Variants in SLC19A1 observed in about 807,000 individuals in gnomAD.
The protein encoded by SLC19A1 is solute carrier family 19 member 1.
In SLC19A1, 37 loss-of-function variants were observed where a neutral mutation model predicts 35.3. That is an observed-to-expected ratio of 1.05 (90% CI 0.81 to 1.38). SLC19A1 has a LOEUF of 1.38. SLC19A1 is among the 40% of genes most tolerant of loss of function. The pLI is 0.00. For missense variants in SLC19A1, 831 were observed against 826.9 expected (o/e 1.00, Z -0.06); for synonymous variants, 460 against 398.5 (o/e 1.15, Z -1.84).
In SLC19A1 at chr21:45,503,949, A is replaced by C. The variant is rs1041653114; in HGVS notation, c.498-5337T>G. The C allele has an allele frequency of 6.9e-6, 11 of 1,597,392 alleles. No individual in the cohort carries two copies. In the Admixed American group the frequency reaches 1.0e-4, roughly 15 times the overall value. ...CAAACCCACCAGTGCTGGGGGCTGC[A>C]GAGGGAACCCGGCGCTGTCAGACAC... On this transcript the variant is annotated intron_variant, in intron 3 of 4. Transcript: ENST00000417954.
rs953065017 is a variant in SLC19A1, at chr21:45,515,839, TGCGGGGCCGGGGC to T, written c.1582_1594del (p.Ala528ArgfsTer6). ...CACTGGGCTCAGGAATTCAGCTGCC[TGCGGGGCCGGGGC>T]CTGGGCCAGGTATGGGTCGCTCTGT... On this transcript the variant is annotated frameshift_variant, in exon 6 of 6. Transcript: ENST00000311124. LOFTEE classifies it low-confidence loss of function (END_TRUNC). The T allele has an allele frequency of 5.6e-6, 9 of 1,603,346 alleles. No homozygotes were observed. Among genetic ancestry groups the T allele is most frequent in the Non-Finnish European group, 7.7e-6 (9 of 1,173,704 alleles).
chr21:45,523,080 G>A lies in SLC19A1; in HGVS notation c.1293+2737C>T, dbSNP rs533543894. Reference sequence around the variant, plus strand: ...TTAAAAAGCAGGCAAACCCAGGCAAGCTCTAGCCCTGTCTGTCCCCCCATG... The same window carrying A: ...TTAAAAAGCAGGCAAACCCAGGCAAACTCTAGCCCTGTCTGTCCCCCCATG... On this transcript the variant is annotated intron_variant, in intron 5 of 5. Transcript: ENST00000311124. 3.3e-5 allele frequency among the ~76,000 whole-genome samples: 5 copies of A among 152,116 alleles called. No homozygotes were observed. The East Asian group carries it at 7.8e-4, about 24-fold the overall frequency.
At chr21:45,505,260 C>T (rs1218983087) in intron 3 of SLC19A1, 2 of 1,608,238 alleles carry the variant, frequency 1.2e-6, no homozygotes, top group Non-Finnish European at 1.7e-6. Context: ...CCCTTCATTT[C>T]CTGGCCCTCA....
In SLC19A1 at chr21:45,514,816, C is replaced by T. The variant is rs2037802814; in HGVS notation, c.*842G>A. The T allele has an allele frequency of 1.4e-5, 8 of 558,822 alleles. No homozygotes were observed. Among genetic ancestry groups the T allele is most frequent in the South Asian group, 5.2e-5 (2 of 38,222 alleles). 34.6% of individuals were successfully genotyped at this position (558,822 alleles called of 1,614,324 possible). ...ACTAGCGCTCCTTAGACCCTGAGGC[C>T]GCTGGGACGTACTTCCCCAGCGCCC... On this transcript the variant is annotated 3_prime_UTR_variant, in exon 6 of 6. Coordinates refer to ENST00000311124, the MANE Select transcript of SLC19A1 (RefSeq NM_194255.4).
downstream of SLC19A1, among the ~76,000 whole-genome samples, chr21:45,510,946 C>CCACACACACACAT (rs1568954049): frequency 3.0e-4 from 17 of 57,428 alleles, no homozygotes; most frequent in African/African-American, 1.5e-3. Flanking sequence ...AAAACACACA[C>CCACACACACACAT]CCACAACACC....
At chr21:45,552,762 T>C (rs1325664068) in intron 1 of SLC19A1, among the ~76,000 whole-genome samples, 1 of 152,052 alleles carries the variant, frequency 6.6e-6, no homozygotes, top group Non-Finnish European at 1.5e-5. Context: ...CTGCAGGTCA[T>C]TCCTGGCCCA....
intron 3 of SLC19A1, chr21:45,505,762 A>ATT: frequency 8.5e-7 from 1 of 1,177,176 alleles, no homozygotes; most frequent in South Asian, 1.3e-5. Flanking sequence ...GCACCCTGAA[A>ATT]CGGGCATTCC....
chr21:45,543,025 C>T (rs1265642812), upstream of SLC19A1, among the ~76,000 whole-genome samples: 1 of 152,146 alleles, frequency 6.6e-6, no homozygotes, highest in Non-Finnish European at 1.5e-5. Context: ...ACCCCGCCGC[C>T]CGCCCTCCTG....
intron 1 of SLC19A1, among the ~76,000 whole-genome samples, chr21:45,549,412 A>G (rs1292670044): frequency 1.3e-5 from 2 of 151,788 alleles, no homozygotes; most frequent in African/African-American, 4.9e-5. Context: ...ATGTTTAACA[A>G]CTGCTTCTAA....
chr21:45,553,227 C>T (rs80258550), intron 1 of SLC19A1, among the ~76,000 whole-genome samples: 20 of 152,066 alleles, frequency 1.3e-4, no homozygotes, highest in South Asian at 2.1e-4. Flanking sequence ...TTCCAGGCAC[C>T]GCGCATCCCT....
rs1245791699 is a variant in SLC19A1 at position 45,532,002 on chromosome 21, C to T, written c.336G>A (p.Leu112=). 3 of 1,593,886 alleles carry T rather than the reference C, an allele frequency of 1.9e-6. No homozygotes were observed. The highest frequency in any genetic ancestry group is 2.6e-6 in the Non-Finnish European group (3 of 1,170,936). Residue 112 remains leucine, a synonymous_variant, in exon 3 of 6, where the codon CTG becomes CTA. Coordinates refer to ENST00000311124, the MANE Select transcript of SLC19A1 (RefSeq NM_194255.4). ...SFVSVWLLLL[L]GHSVAHMQLM... is the part of the protein sequence containing the mutation. Reference sequence around the variant, plus strand: ...GCTGCATGTGCGCCACCGAGTGGCCCAGCAGCAGCAGCAGCCACACCGACA... The same window carrying T: ...GCTGCATGTGCGCCACCGAGTGGCCTAGCAGCAGCAGCAGCCACACCGACA...
chr21:45,554,919 C>T (rs908286649), intron 1 of SLC19A1, among the ~76,000 whole-genome samples: 13 of 151,950 alleles, frequency 8.6e-5, no homozygotes, highest in Admixed American at 3.3e-4. Flanking sequence ...GCCTTCTCCC[C>T]AGAAGCAGCC....
chr21:45,548,309 G>A (rs1284916088), upstream of SLC19A1, among the ~76,000 whole-genome samples: 2 of 152,146 alleles, frequency 1.3e-5, no homozygotes, highest in East Asian at 3.9e-4. Context: ...TTGTAGATCT[G>A]TGTCCAGTGA....
chr21:45,543,157 C>T (rs180935821), upstream of SLC19A1, among the ~76,000 whole-genome samples: 4 of 152,150 alleles, frequency 2.6e-5, no homozygotes, highest in Admixed American at 6.5e-5. Context: ...GCCTCGCAGA[C>T]GGCAGCGCAG....
chr21:45,546,514 C>T (rs1284063903), upstream of SLC19A1, among the ~76,000 whole-genome samples: 1 of 152,244 alleles, frequency 6.6e-6, no homozygotes, highest in Admixed American at 6.5e-5. Context: ...CTGCCTGGCC[C>T]AGCAGCAGAA....
At chr21:45,518,817 G>GTTT (rs1293747179) in intron 5 of SLC19A1, among the ~76,000 whole-genome samples, 10 of 152,044 alleles carry the variant, frequency 6.6e-5, no homozygotes, top group African/African-American at 2.4e-4. Context: ...GAAAAACTAA[G>GTTT]AGAAGAAATT....
In SLC19A1 at chr21:45,530,162, G is replaced by A. The variant is rs893528402; in HGVS notation, c.1151+608C>T. Among the ~76,000 whole-genome samples the A allele has an allele frequency of 2.0e-5, 3 of 150,104 alleles. No homozygotes were observed. The highest frequency in any genetic ancestry group is 7.4e-5 in the African/African-American group (3 of 40,706). ...GTGAGTGTGCATTGTGTGTCCGTGT[G>A]TGTGTGGTGCGTCCATGTGTAGTGG... On this transcript the variant is annotated intron_variant, in intron 4 of 5. Coordinates refer to ENST00000311124, the MANE Select transcript of SLC19A1 (RefSeq NM_194255.4). The surrounding 1 kb of genome is among the most constrained non-coding windows in gnomAD (Gnocchi z 5.3).
Position 45,514,746 on chromosome 21 carries a change from G to A in SLC19A1, c.*912C>T. 2 of 465,680 alleles carry A rather than the reference G, an allele frequency of 4.3e-6. No individual in the cohort carries two copies. The highest frequency in any genetic ancestry group is 7.5e-6 in the Non-Finnish European group (2 of 266,822). The allele number at this position is 465,680 out of a possible 1,614,324, so 28.8% of individuals were successfully genotyped here. A position where few individuals can be genotyped will look rare whatever the true frequency, so the allele number is the denominator to read the frequency against. Reference sequence around the variant, plus strand: ...TAAGTGTGTTTAATGTATGTGGGAAGAGTATTCACATCACATCAGATGGTC... The same window carrying A: ...TAAGTGTGTTTAATGTATGTGGGAAAAGTATTCACATCACATCAGATGGTC... On this transcript the variant is annotated 3_prime_UTR_variant, in exon 6 of 6. Coordinates refer to ENST00000311124, the MANE Select transcript of SLC19A1 (RefSeq NM_194255.4).
At chr21:45,512,283 C>A, downstream of SLC19A1, 1 of 1,612,010 alleles carries the variant, frequency 6.2e-7, no homozygotes, top group Non-Finnish European at 8.5e-7. Flanking sequence ...CCCTCGGCCA[C>A]GGGCCAGGCC....
Sources: allele counts gnomAD v4.1 joint callset (sites outside exome capture counted in the v4.1 genomes callset), GRCh38; gene constraint gnomAD v4.1.1; non-coding constraint Gnocchi (gnomAD v3.1); transcripts MANE v1.5; gene names NCBI Gene and HGNC (gene_info 2026-07-23, HGNC 2026-07-21).